FANCB: variants seen among roughly 807,000 people sequenced by gnomAD.
FANCB encodes Fanconi anemia group B protein.
In FANCB, 5 loss-of-function variants were observed where a neutral mutation model predicts 38.9. That is an observed-to-expected ratio of 0.13 (90% CI 0.07 to 0.27). The LOEUF (loss-of-function observed/expected upper bound fraction) is 0.27. Among genes scored for constraint, FANCB ranks in the 10% least tolerant of loss-of-function variants. The pLI, the probability that FANCB is intolerant of heterozygous loss-of-function variation, is 1.00. For missense variants in FANCB, 573 were observed against 602.7 expected (o/e 0.95, Z 0.52); for synonymous variants, 236 against 215.4 (o/e 1.10, Z -0.84).
downstream of FANCB, chrX:14,834,815 A>G (rs966910082): frequency 1.6e-5 from 8 of 489,223 alleles, no homozygotes; most frequent in African/African-American, 1.6e-4. Flanking sequence ...CATCATCAAA[A>G]TCATCATCAT....
chrX:14,857,716 A>G, intron 5 of FANCB, 146 bp downstream of exon 5: 1 of 500,429 alleles, frequency 2.0e-6, no homozygotes, highest in Admixed American at 2.8e-5. Context: ...ATTTGTACAG[A>G]GGTGCCAAAA....
the FANCB span, among the ~76,000 whole-genome samples, chrX:14,819,929 A>T: frequency 4.0e-4 from 45 of 111,247 alleles, no homozygotes; most frequent in African/African-American, 1.4e-3. Context: ...TAGCCGGAGT[A>T]CTCTCTCCAA....
At chrX:14,708,009 CTTCT>C in the FANCB span, among the ~76,000 whole-genome samples, 1 of 108,915 alleles carries the variant, frequency 9.2e-6, no homozygotes, top group Non-Finnish European at 1.9e-5. Context: ...TCCCTCCCTC[CTTCT>C]TTCTTTCATG....
At chrX:14,791,081 A>T in the FANCB span, among the ~76,000 whole-genome samples, 1 of 109,715 alleles carries the variant, frequency 9.1e-6, no homozygotes, top group African/African-American at 3.3e-5. Flanking sequence ...CTTTGAGAAG[A>T]CCATGAGAAA....
chrX:14,842,073 T>C (rs978597408), downstream of FANCB, among the ~76,000 whole-genome samples: 1 of 111,890 alleles, frequency 8.9e-6, no homozygotes, highest in Non-Finnish European at 1.9e-5. Context: ...TTTCAGAACA[T>C]GTCATGGGCA....
chrX:14,803,571 T>C, the FANCB span, among the ~76,000 whole-genome samples: 1 of 112,359 alleles, frequency 8.9e-6, no homozygotes, highest in Non-Finnish European at 1.9e-5. Context: ...TCTTCACCAA[T>C]GAAGAAATTA....
At chrX:14,750,221 A>G in the FANCB span, among the ~76,000 whole-genome samples, 2 of 111,933 alleles carry the variant, frequency 1.8e-5, no homozygotes, top group Admixed American at 1.9e-4. Context: ...TGGAGGGATG[A>G]GTGTGGGGAC....
At chrX:14,734,950 C>CT in the FANCB span, among the ~76,000 whole-genome samples, 6,714 of 104,884 alleles carry the variant, frequency 0.064, 299 homozygotes, top group African/African-American at 0.14. Flanking sequence ...TTTCTCTAAT[C>CT]TTTTTGACAC....
the FANCB span, among the ~76,000 whole-genome samples, chrX:14,825,569 C>T: frequency 8.9e-6 from 1 of 112,110 alleles, no homozygotes; most frequent in Non-Finnish European, 1.9e-5. Flanking sequence ...TTTCAATTTT[C>T]CATCCTTTCA....
chrX:14,770,371 ATTGAACCC>A, the FANCB span, among the ~76,000 whole-genome samples: 1 of 111,493 alleles, frequency 9.0e-6, no homozygotes, highest in Non-Finnish European at 1.9e-5. Context: ...TTCTTGTTGA[ATTGAACCC>A]TTTACCATTA....
chrX:14,753,785 A>G, the FANCB span, among the ~76,000 whole-genome samples: 2 of 112,024 alleles, frequency 1.8e-5, no homozygotes, highest in African/African-American at 6.5e-5. Flanking sequence ...GGAAATCACA[A>G]GGCCAGCCTA....
chrX:14,866,849 A>C (rs1309149721), intron 2 of FANCB, among the ~76,000 whole-genome samples: 1 of 111,677 alleles, frequency 9.0e-6, no homozygotes, highest in Non-Finnish European at 1.9e-5. Flanking sequence ...TAAAGACTCC[A>C]CCAAAAAACT....
intron 3 of FANCB, among the ~76,000 whole-genome samples, chrX:14,860,430 G>A (rs1350900853): frequency 1.8e-5 from 2 of 111,923 alleles, no homozygotes; most frequent in Admixed American, 1.9e-4. Context: ...TTAGTAATAA[G>A]AATGTGTTTG....
chrX:14,743,156 G>A, the FANCB span, among the ~76,000 whole-genome samples: 8 of 112,071 alleles, frequency 7.1e-5, 1 homozygote, highest in African/African-American at 2.3e-4. Context: ...ATAACCTTAC[G>A]GATAAGCAAA....
chrX:14,844,601 T>C lies in FANCB; in HGVS notation c.2067A>G (p.Pro689=). 1.7e-6 allele frequency: 2 copies of C among 1,209,735 alleles called. No homozygotes were observed. The highest frequency in any genetic ancestry group is 2.2e-6 in the Non-Finnish European group (2 of 893,466). ...HMKCEIIKEF[P]EVYFCERPGS... The stretch of plus-strand genomic sequence containing the variant: ...CCGGTCTTTCACAAAAGTACACTTC[T>C]GGAAATTCTTTGATTATTTCACATT... The change falls in exon 9 of 10, where the codon CCA becomes CCG. Residue 689 remains proline (P), a synonymous_variant. Transcript: ENST00000650831.
the FANCB span, among the ~76,000 whole-genome samples, chrX:14,705,997 A>G: frequency 1.8e-5 from 2 of 111,992 alleles, no homozygotes; most frequent in African/African-American, 6.5e-5. Flanking sequence ...CCATTACAGC[A>G]TGGTTCTCAA....
the FANCB span, among the ~76,000 whole-genome samples, chrX:14,814,177 A>C: frequency 8.9e-6 from 1 of 111,788 alleles, no homozygotes; most frequent in Non-Finnish European, 1.9e-5. Flanking sequence ...AATTAATTCA[A>C]GATGGATTAA....
chrX:14,759,343 G>C, the FANCB span, among the ~76,000 whole-genome samples: 1 of 111,475 alleles, frequency 9.0e-6, no homozygotes, highest in South Asian at 3.8e-4. Flanking sequence ...TAGAGATCTA[G>C]ACATTCAAAT....
chrX:14,746,940 T>C, the FANCB span, among the ~76,000 whole-genome samples: 1 of 111,652 alleles, frequency 9.0e-6, no homozygotes, highest in East Asian at 2.8e-4. Context: ...TGTAAAGAAT[T>C]GGAACATTAC....
Sources: gnomAD v4.1 joint callset for allele counts (sites outside exome capture counted in the v4.1 genomes callset) on GRCh38, gnomAD v4.1.1 for gene constraint, MANE v1.5 for transcripts, NCBI Gene and HGNC (gene_info 2026-07-23, HGNC 2026-07-21) for gene names.